Variants in ASB9 observed in about 807,000 individuals in gnomAD.
The protein encoded by ASB9 is ankyrin repeat and SOCS box containing 9.
Under a neutral mutation model 16.6 loss-of-function variants are expected in ASB9, and 5 were observed. The ratio of observed to expected loss-of-function variants is 0.30; its 90% confidence interval spans 0.16 to 0.63. The LOEUF (loss-of-function observed/expected upper bound fraction) is 0.63, where lower values mean the gene tolerates loss of function less well. ASB9 is among the 30% of genes least tolerant of loss of function. The pLI is 0.82. For missense variants in ASB9, 216 were observed against 229.4 expected (o/e 0.94, Z 0.38); for synonymous variants, 100 against 86.4 (o/e 1.16, Z -0.87).
At chrX:15,255,994 T>C (rs1269340148) in intron 2 of ASB9, among the ~76,000 whole-genome samples, 1 of 111,830 alleles carries the variant, frequency 8.9e-6, no homozygotes, top group Non-Finnish European at 1.9e-5. Context: ...ATTTAATTGT[T>C]TTTCTTAGAT....
intron 4 of ASB9, among the ~76,000 whole-genome samples, 197 bp downstream of exon 4, chrX:15,252,057 C>T (rs983454602): frequency 5.3e-5 from 6 of 112,399 alleles, no homozygotes; most frequent in African/African-American, 1.9e-4. Context: ...GAGCCCCATC[C>T]CCAGTTACTG....
intron 5 of ASB9, among the ~76,000 whole-genome samples, chrX:15,249,401 A>G (rs1328252900): frequency 8.9e-6 from 1 of 112,236 alleles, no homozygotes; most frequent in Non-Finnish European, 1.9e-5. Flanking sequence ...AAAGCAACCA[A>G]CCAACTCATG....
chrX:15,264,697 T>C (rs1036460544), intron 1 of ASB9, among the ~76,000 whole-genome samples: 2 of 111,656 alleles, frequency 1.8e-5, no homozygotes, highest in Non-Finnish European at 1.9e-5. Flanking sequence ...AACAGCATTC[T>C]GAGTGTTCCC....
intron 6 of ASB9, among the ~76,000 whole-genome samples, chrX:15,245,917 C>CT (rs1229522471): frequency 8.9e-6 from 1 of 112,019 alleles, no homozygotes; most frequent in African/African-American, 3.2e-5. Flanking sequence ...AAACCAGGCC[C>CT]TAACAGAAGG....
intron 1 of ASB9, among the ~76,000 whole-genome samples, chrX:15,260,931 T>C (rs929469538): frequency 8.9e-6 from 1 of 111,855 alleles, no homozygotes; most frequent in Non-Finnish European, 1.9e-5. Context: ...AAGCATTTAG[T>C]ACATAAAAGG....
At chrX:15,265,694 G>A (rs894380923) in intron 1 of ASB9, among the ~76,000 whole-genome samples, 1 of 110,396 alleles carries the variant, frequency 9.1e-6, no homozygotes, top group African/African-American at 3.3e-5. Context: ...GGAGTACAGT[G>A]GCATGATCTC....
chrX:15,270,341 C>T (rs1484026352), upstream of ASB9: 2 of 113,121 alleles, frequency 1.8e-5, no homozygotes, highest in East Asian at 5.6e-4. Context: ...TGCTGAGATC[C>T]GTTTGTTACA....
intron 4 of ASB9, among the ~76,000 whole-genome samples, chrX:15,251,999 T>C (rs1160049026): frequency 9.0e-6 from 1 of 111,685 alleles, no homozygotes; most frequent in Non-Finnish European, 1.9e-5. Flanking sequence ...AAACTTACTG[T>C]GTACCAGAAA....
At chrX:15,249,588 T>A (rs1405999904) in intron 5 of ASB9, among the ~76,000 whole-genome samples, 1 of 112,642 alleles carries the variant, frequency 8.9e-6, no homozygotes, top group African/African-American at 3.2e-5. Context: ...TGTGGGAACA[T>A]GTGGCTTTGC....
chrX:15,247,318 C>CT (rs1269672065), intron 6 of ASB9, among the ~76,000 whole-genome samples: 1 of 111,962 alleles, frequency 8.9e-6, no homozygotes, highest in East Asian at 2.8e-4. Context: ...ATAGGCCACA[C>CT]TGTCACCGTG....
intron 4 of ASB9, among the ~76,000 whole-genome samples, chrX:15,251,789 TAA>T (rs1447603841): frequency 1.8e-5 from 2 of 112,759 alleles, no homozygotes; most frequent in Non-Finnish European, 3.7e-5. Context: ...TTGGCAAACT[TAA>T]GTGTCACTGA....
In ASB9 at chrX:15,250,669, G is replaced by T. The variant is rs765805964; in HGVS notation, c.434-105C>A. The T allele has an allele frequency of 6.9e-6, 5 of 727,330 alleles. No individual in the cohort carries two copies. The South Asian group carries it at 1.8e-4, about 26-fold the overall frequency. The allele number at this position is 727,330 out of a possible 1,213,427, so 59.9% of individuals were successfully genotyped here. On this transcript the variant is annotated intron_variant, in intron 4 of 6. Transcript: ENST00000380488. The stretch of plus-strand genomic sequence containing the variant: ...TTAAATTTGGCAGCAGCTTATCCAG[G>T]GGACCAAAAAGCTATTTCCTTCAAT...
intron 1 of ASB9, among the ~76,000 whole-genome samples, chrX:15,267,272 G>C (rs1227411184): frequency 1.8e-5 from 2 of 111,510 alleles, no homozygotes; most frequent in African/African-American, 6.5e-5. Context: ...AAATTAGCCA[G>C]GCGTGTGCCT....
rs199891174 is a variant in ASB9 at position 15,250,708 on chromosome X, GATTTT to G, written c.434-149_434-145del. On this transcript the variant is annotated intron_variant, in intron 4 of 6. Coordinates refer to ENST00000380488, the MANE Select transcript of ASB9 (RefSeq NM_001031739.3). Reference sequence around the variant, plus strand: ...ATTTCCTTCAATTAGAATCAGGAGTGATTTTATTTTATTTCATTTTATTTTATTTT... The same window carrying G: ...ATTTCCTTCAATTAGAATCAGGAGTGATTTTATTTCATTTTATTTTATTTT... 5.7e-4 allele frequency: 283 copies of G among 492,771 alleles called. 2 individuals are homozygous for G. In the East Asian group the frequency reaches 0.01, roughly 18 times the overall value. 40.6% of individuals were successfully genotyped at this position (492,771 alleles called of 1,213,427 possible).
At chrX:15,269,287 GAACAAT>G (rs759692288) in intron 1 of ASB9, among the ~76,000 whole-genome samples, 2 of 111,888 alleles carry the variant, frequency 1.8e-5, no homozygotes, top group South Asian at 7.5e-4. Context: ...TGACAGATGA[GAACAAT>G]ACCTGTAAGA....
chrX:15,257,411 A>G (rs925708210), intron 2 of ASB9, among the ~76,000 whole-genome samples: 11 of 110,090 alleles, frequency 1.0e-4, no homozygotes, highest in Admixed American at 9.7e-4. Flanking sequence ...TCTCAAAAAA[A>G]TAATAATAAT....
At chrX:15,262,735 G>C (rs1602157871) in intron 1 of ASB9, among the ~76,000 whole-genome samples, 1 of 112,448 alleles carries the variant, frequency 8.9e-6, no homozygotes, top group African/African-American at 3.2e-5. Context: ...GGGTTCAAGT[G>C]GTTCTCCTGC....
chrX:15,264,192 T>C (rs1344676086), intron 1 of ASB9, among the ~76,000 whole-genome samples: 1 of 111,181 alleles, frequency 9.0e-6, no homozygotes, highest in African/African-American at 3.3e-5. Flanking sequence ...TTCCTTGGTT[T>C]CTAGATGTGT....
intron 1 of ASB9, among the ~76,000 whole-genome samples, chrX:15,263,253 G>A (rs190242670): frequency 1.8e-5 from 2 of 111,042 alleles, no homozygotes; most frequent in East Asian, 5.7e-4. Context: ...AAAAGAAGTC[G>A]GGTTGCTCTG....
Sources: gnomAD v4.1 joint callset for allele counts (sites outside exome capture counted in the v4.1 genomes callset) on GRCh38, gnomAD v4.1.1 for gene constraint, MANE v1.5 for transcripts, NCBI Gene and HGNC (gene_info 2026-07-23, HGNC 2026-07-21) for gene names.